PITPNM3: variants seen among roughly 807,000 people sequenced by gnomAD.
PITPNM3 encodes PITPNM family member 3.
A neutral mutation model predicts 102.0 loss-of-function variants in PITPNM3; 26 were observed. The ratio of observed to expected loss-of-function variants is 0.25; its 90% confidence interval spans 0.19 to 0.35. The LOEUF (loss-of-function observed/expected upper bound fraction) is 0.35. Ranked by LOEUF, PITPNM3 falls within the 10% of genes least tolerant of loss-of-function variation. The probability of loss-of-function intolerance (pLI) is 1.00; values close to 1 mark genes in which losing one functional copy is unlikely to be tolerated. For synonymous variants in PITPNM3, 578 were observed against 558.6 expected (o/e 1.03, Z -0.49); for missense variants, 1,083 against 1,346.1 (o/e 0.80, Z 3.06).
intron 1 of PITPNM3, among the ~76,000 whole-genome samples, chr17:6,554,358 CA>C (rs1910489852): frequency 7.0e-6 from 1 of 142,930 alleles, no homozygotes; most frequent in Admixed American, 7.1e-5. Context: ...GGGACATTTA[CA>C]AAATGCAGAG....
Position 6,468,477 on chromosome 17 carries a change from C to G in PITPNM3, c.1774-136G>C. On this transcript the variant is annotated intron_variant, in intron 13 of 19. Transcript: ENST00000262483. This position sits in a 1 kb window ranked among gnomAD's most constrained non-coding sequence, Gnocchi z 5.2. ...CCCCAACCTCACAGCCTGGAACCGT[C>G]AGGAGGCCGCAGACCCCGGGACCTG... 1.2e-6 allele frequency: 1 copy of G among 840,818 alleles called. No individual in the cohort carries two copies. 52.1% of individuals were successfully genotyped at this position (840,818 alleles called of 1,614,324 possible). A position where few individuals can be genotyped will look rare whatever the true frequency, so the allele number is the denominator to read the frequency against.
At chr17:6,504,161 C>T (rs1012865467) in intron 3 of PITPNM3, among the ~76,000 whole-genome samples, 1 of 152,140 alleles carries the variant, frequency 6.6e-6, no homozygotes, top group African/African-American at 2.4e-5. Context: ...AGGCAGAAAG[C>T]GAAGTCACCT....
chr17:6,476,372 T>C (rs1466014511), intron 9 of PITPNM3, among the ~76,000 whole-genome samples: 1 of 152,210 alleles, frequency 6.6e-6, no homozygotes, highest in Non-Finnish European at 1.5e-5. Flanking sequence ...TTCCTTCCAA[T>C]TTGGGTCCAA....
chr17:6,542,243 CT>C (rs1178923687), intron 1 of PITPNM3, among the ~76,000 whole-genome samples: 4 of 151,988 alleles, frequency 2.6e-5, no homozygotes, highest in Non-Finnish European at 5.9e-5. Flanking sequence ...TCTGGGTATC[CT>C]TGTGTCTGTG....
chr17:6,522,600 C>A (rs1233658399), intron 3 of PITPNM3, among the ~76,000 whole-genome samples: 2 of 152,098 alleles, frequency 1.3e-5, no homozygotes, highest in Non-Finnish European at 2.9e-5. Context: ...GCTGGAGCAC[C>A]CATGGAGGCA....
At chr17:6,495,090 A>G (rs765199050) in intron 4 of PITPNM3, among the ~76,000 whole-genome samples, 12 of 152,210 alleles carry the variant, frequency 7.9e-5, no homozygotes, top group Non-Finnish European at 1.3e-4. Flanking sequence ...ATGCATATTT[A>G]TGGATAGACT....
intron 4 of PITPNM3, among the ~76,000 whole-genome samples, chr17:6,491,220 G>A (rs567545264): frequency 5.9e-4 from 90 of 151,842 alleles, no homozygotes; most frequent in Non-Finnish European, 1.1e-3. Flanking sequence ...AGGGTCGCTG[G>A]ACCAGCAGCT....
chr17:6,463,769 C>G lies in PITPNM3; in HGVS notation c.2269G>C (p.Asp757His). 1 of 1,612,200 alleles carries G rather than the reference C, an allele frequency of 6.2e-7. No individual in the cohort carries two copies. The highest frequency in any genetic ancestry group is 8.5e-7 in the Non-Finnish European group (1 of 1,179,814). Residue 757 changes from aspartate (D) to histidine (H), a missense_variant, in exon 17 of 20, where the codon GAC becomes CAC. Physicochemically the swap from Asp to His is moderately conservative, Grantham distance 81. This residue lies in a region of PITPNM3 where 410 missense variants were observed against 638.4 expected (regional missense o/e 0.64). Coordinates refer to ENST00000262483, the MANE Select transcript of PITPNM3 (RefSeq NM_031220.4). ...ACTGCACCCGGCCGGACCTTGGGGT[C>G]GCTTCCCATGATAGACACGCTGGCC... ...FAASVSIMGSDPKVRPGAVDV... is the reference protein window; with the variant it reads ...FAASVSIMGSHPKVRPGAVDV...
At chr17:6,524,061 T>C (rs572336488) in intron 3 of PITPNM3, among the ~76,000 whole-genome samples, 1 of 152,348 alleles carries the variant, frequency 6.6e-6, no homozygotes, top group East Asian at 1.9e-4. Flanking sequence ...ACACCAGGCC[T>C]GCCCATTTCT....
rs2150710425 is a variant in PITPNM3 at position 6,453,991 on chromosome 17, C to T, written c.*1347G>A. ...GAGGGCCTGAGCAGGCTTTAGGGGC[C>T]CCAGAAGGGCCAAGTCCTGCCAACC... On this transcript the variant is annotated 3_prime_UTR_variant, in exon 20 of 20. Transcript: ENST00000262483. The T allele has an allele frequency of 6.6e-6, 1 of 152,540 alleles. No individual in the cohort carries two copies. Among genetic ancestry groups the T allele is most frequent in the Non-Finnish European group, 1.5e-5 (1 of 68,178 alleles). The allele number at this position is 152,540 out of a possible 1,614,324, so 9.4% of individuals were successfully genotyped here. A position where few individuals can be genotyped will look rare whatever the true frequency, so the allele number is the denominator to read the frequency against.
At chr17:6,530,586 C>T (rs953975424) in intron 2 of PITPNM3, among the ~76,000 whole-genome samples, 36 of 152,214 alleles carry the variant, frequency 2.4e-4, no homozygotes, top group African/African-American at 6.3e-4. Context: ...CAGCTTCTAG[C>T]TCAGAGAGTT....
chr17:6,544,625 G>GTCTCTCTC (rs67144965), intron 1 of PITPNM3, among the ~76,000 whole-genome samples: 240 of 137,258 alleles, frequency 1.7e-3, no homozygotes, highest in Middle Eastern at 3.8e-3. Flanking sequence ...TTTGAATGGT[G>GTCTCTCTC]TCTCTCTCTC....
chr17:6,541,370 G>A (rs1035404633), intron 1 of PITPNM3, among the ~76,000 whole-genome samples: 1 of 151,444 alleles, frequency 6.6e-6, no homozygotes, highest in Non-Finnish European at 1.5e-5. Flanking sequence ...CAAAATCCAT[G>A]GATAAGAGCC....
intron 1 of PITPNM3, among the ~76,000 whole-genome samples, chr17:6,554,260 C>T (rs1247005298): frequency 7.1e-6 from 1 of 140,684 alleles, no homozygotes; most frequent in African/African-American, 2.7e-5. Flanking sequence ...GCGGAGGTTG[C>T]AGTGAGCCGA....
chr17:6,485,461 A>G (rs1337179101), intron 4 of PITPNM3, among the ~76,000 whole-genome samples: 1 of 152,090 alleles, frequency 6.6e-6, no homozygotes, highest in African/African-American at 2.4e-5. Flanking sequence ...CCTGGCCAAT[A>G]AGTCTCTTTT....
In PITPNM3 at chr17:6,556,485, G is replaced by A. The variant is rs1910622578; in HGVS notation, c.-79C>T. 3.0e-6 allele frequency: 3 copies of A among 1,002,924 alleles called. No individual in the cohort carries two copies. The highest frequency in any genetic ancestry group is 3.6e-6 in the Non-Finnish European group (3 of 830,566). 62.1% of individuals were successfully genotyped at this position (1,002,924 alleles called of 1,614,324 possible). ...CCCGGCCCCGACCGCCTCCGGCCCC[G>A]AACGGACTCCGAGCGCCGCGCCCGC... On this transcript the variant is annotated 5_prime_UTR_variant, in exon 1 of 20. Transcript: ENST00000262483. This position sits in a 1 kb window ranked among gnomAD's most constrained non-coding sequence, Gnocchi z 5.2.
chr17:6,553,160 T>C (rs540214631), intron 1 of PITPNM3, among the ~76,000 whole-genome samples: 1 of 152,232 alleles, frequency 6.6e-6, no homozygotes, highest in African/African-American at 2.4e-5. Context: ...AGCCACTCAC[T>C]GGCCTCTCTG....
Position 6,489,899 on chromosome 17 carries a change from G to A in PITPNM3, c.275-5607C>T, listed in dbSNP as rs1446140577. On this transcript the variant is annotated intron_variant, in intron 4 of 19. Transcript: ENST00000262483. ...CGCACCTGTAATCCCAGCTACTCGG[G>A]AGGCTGAGGCAGAAGAATCGCTTGA... Among the ~76,000 whole-genome samples, 4 of 152,152 alleles carry A rather than the reference G, an allele frequency of 2.6e-5. No homozygotes were observed. The East Asian group carries it at 7.7e-4, about 29-fold the overall frequency.
chr17:6,470,335 G>A lies in PITPNM3; in HGVS notation c.1698C>T (p.Pro566=). ...LYCPDVLTAF[P]TVALPHLFHA... ...GGAAGAGGTGGGGCAGGGCCACGGTGGGGAAGGCCGTGAGGACATCAGGGC... is the reference window on the plus strand; with the variant it reads ...GGAAGAGGTGGGGCAGGGCCACGGTAGGGAAGGCCGTGAGGACATCAGGGC... Residue 566 remains proline, a synonymous_variant, in exon 13 of 20, where the codon CCC becomes CCT. Transcript: ENST00000262483. The surrounding 1 kb of genome is among the most constrained non-coding windows in gnomAD (Gnocchi z 4.8). 6.2e-7 allele frequency: 1 copy of A among 1,614,080 alleles called. No homozygotes were observed. The highest frequency in any genetic ancestry group is 1.1e-5 in the South Asian group (1 of 91,072).
Sources: allele counts gnomAD v4.1 joint callset (sites outside exome capture counted in the v4.1 genomes callset), GRCh38; gene constraint gnomAD v4.1.1; regional missense constraint gnomAD v4.1.1; non-coding constraint Gnocchi (gnomAD v3.1); transcripts MANE v1.5; gene names NCBI Gene and HGNC (gene_info 2026-07-23, HGNC 2026-07-21).